The following SH2D4B variants were observed in gnomAD, a reference collection of about 807,000 sequenced individuals.
SH2D4B encodes SH2 domain containing 4B, also known as SH2 domain-containing protein 4B.
SH2D4B carries 45 observed loss-of-function variants against 61.5 expected under a neutral mutation model. That is an observed-to-expected ratio of 0.73 (90% CI 0.58 to 0.94). SH2D4B has a LOEUF of 0.94. SH2D4B is among the 40% of genes least tolerant of loss of function. The pLI is 0.00. For missense variants in SH2D4B, 572 were observed against 574.2 expected (o/e 1.00, Z 0.04); for synonymous variants, 224 against 220.4 (o/e 1.02, Z -0.14).
chr10:80,595,832 T>G (rs1842379109), intron 4 of SH2D4B, among the ~76,000 whole-genome samples: 1 of 152,206 alleles, frequency 6.6e-6, no homozygotes, highest in Non-Finnish European at 1.5e-5. Context: ...CATTGGTTTA[T>G]GGGAGATGGA....
Position 80,634,502 on chromosome 10 carries a change from T to C in SH2D4B, c.1206T>C (p.His402=). The change falls in exon 7 of 8, where the codon CAT becomes CAC. Residue 402 remains histidine (H), a synonymous_variant. Coordinates refer to ENST00000646907, the MANE Select transcript of SH2D4B (RefSeq NM_001388272.1). The part of the protein sequence containing the change: ...HATLTDLVDF[H]KEEIITVSGG... Reference sequence around the variant, plus strand: ...CGCTCACGGATCTCGTTGATTTCCATAAGGTATCCCTCACAGGGATACTAA... The same window carrying C: ...CGCTCACGGATCTCGTTGATTTCCACAAGGTATCCCTCACAGGGATACTAA... 1 of 1,549,690 alleles carries C rather than the reference T, an allele frequency of 6.5e-7. No homozygotes were observed. The highest frequency in any genetic ancestry group is 8.7e-7 in the Non-Finnish European group (1 of 1,146,906).
intron 5 of SH2D4B, 51 bp from the exon 6 acceptor site, chr10:80,609,373 C>T (rs143767522): frequency 1.3e-6 from 2 of 1,576,984 alleles, no homozygotes; most frequent in African/African-American, 1.3e-5. Context: ...TCTCCCTCCG[C>T]TCTTTCTCCC....
chr10:80,586,261 G>T (rs1028825560), intron 3 of SH2D4B, among the ~76,000 whole-genome samples: 1 of 152,198 alleles, frequency 6.6e-6, no homozygotes, highest in Non-Finnish European at 1.5e-5. Context: ...GAGTGTGGGC[G>T]CACGGCGTGG....
chr10:80,555,473 G>A (rs955502620), intron 1 of SH2D4B, among the ~76,000 whole-genome samples: 1 of 152,164 alleles, frequency 6.6e-6, no homozygotes, highest in African/African-American at 2.4e-5. Context: ...CTGAATCCAT[G>A]TGGCCTTCCA....
chr10:80,630,093 C>T lies in SH2D4B; in HGVS notation c.989-4192C>T, dbSNP rs7903809. On this transcript the variant is annotated intron_variant, in intron 6 of 7. Transcript: ENST00000646907. ...TTCAGAACACGGTACACATCTGACA[C>T]CTGTGGAGGGAGAGAGGGAAGAAGG... is the stretch of plus-strand genomic sequence containing the variant. 5.4e-3 allele frequency among the ~76,000 whole-genome samples: 823 copies of T among 151,830 alleles called. 4 individuals are homozygous for T. Among genetic ancestry groups the T allele is most frequent in the African/African-American group, 0.019 (777 of 41,188 alleles).
intron 6 of SH2D4B, among the ~76,000 whole-genome samples, chr10:80,618,909 G>T (rs1842686933): frequency 6.6e-6 from 1 of 152,156 alleles, no homozygotes; most frequent in Non-Finnish European, 1.5e-5. Flanking sequence ...TTCTGGGTTG[G>T]CTTTGAGGAT....
intron 6 of SH2D4B, among the ~76,000 whole-genome samples, chr10:80,617,312 G>A (rs149515430): frequency 4.0e-4 from 61 of 152,304 alleles, no homozygotes; most frequent in African/African-American, 1.5e-3. Flanking sequence ...TGCTAACCAG[G>A]AAAGTGTCTG....
At chr10:80,636,792 G>A (rs779001587) in intron 7 of SH2D4B, among the ~76,000 whole-genome samples, 19 of 152,160 alleles carry the variant, frequency 1.2e-4, no homozygotes, top group Non-Finnish European at 1.5e-4. Flanking sequence ...TCTTTAGTTC[G>A]ATAGATCCCA....
intron 7 of SH2D4B, among the ~76,000 whole-genome samples, chr10:80,638,229 A>T (rs1840223084): frequency 6.6e-6 from 1 of 152,108 alleles, no homozygotes; most frequent in Admixed American, 6.5e-5. Context: ...TTCATCAGGG[A>T]TATTGGTCTA....
At chr10:80,590,825 T>G (rs1842316349) in intron 4 of SH2D4B, among the ~76,000 whole-genome samples, 1 of 151,944 alleles carries the variant, frequency 6.6e-6, no homozygotes, top group Non-Finnish European at 1.5e-5. Context: ...TTCCAGAATA[T>G]TTCTGTCACT....
chr10:80,613,473 T>G (rs533197043), intron 6 of SH2D4B, among the ~76,000 whole-genome samples: 5 of 152,262 alleles, frequency 3.3e-5, no homozygotes, highest in Non-Finnish European at 7.3e-5. Context: ...GACAACCCAT[T>G]GGCTGCCTTG....
intron 1 of SH2D4B, among the ~76,000 whole-genome samples, chr10:80,568,841 C>T (rs1842003698): frequency 6.6e-6 from 1 of 152,198 alleles, no homozygotes; most frequent in Non-Finnish European, 1.5e-5. Context: ...GCAACCAACA[C>T]TTATTCCTAA....
chr10:80,612,550 G>C (rs899522727), intron 6 of SH2D4B, among the ~76,000 whole-genome samples: 1 of 152,186 alleles, frequency 6.6e-6, no homozygotes. Context: ...CCTATTCTTA[G>C]AGCCAGCACC....
At chr10:80,600,277 A>C (rs1256776423) in intron 4 of SH2D4B, among the ~76,000 whole-genome samples, 1 of 152,242 alleles carries the variant, frequency 6.6e-6, no homozygotes, top group Non-Finnish European at 1.5e-5. Context: ...TTTCAGGGAC[A>C]TTGTTCTATT....
At chr10:80,622,589 A>G (rs528297804) in intron 6 of SH2D4B, among the ~76,000 whole-genome samples, 21 of 152,036 alleles carry the variant, frequency 1.4e-4, no homozygotes, top group African/African-American at 4.8e-4. Flanking sequence ...ATTTTGCTCA[A>G]TTTTGATTTC....
intron 3 of SH2D4B, among the ~76,000 whole-genome samples, chr10:80,575,976 A>G (rs1240263218): frequency 6.6e-6 from 1 of 152,194 alleles, no homozygotes; most frequent in Non-Finnish European, 1.5e-5. Flanking sequence ...AAGAAAACCA[A>G]TTCTTTTTAT....
intron 2 of SH2D4B, 46 bp from the exon 3 acceptor site, chr10:80,571,385 C>T (rs765667193): frequency 1.3e-6 from 2 of 1,573,800 alleles, no homozygotes; most frequent in South Asian, 2.3e-5. Flanking sequence ...TTAGGTGGTC[C>T]TTCAGTTTTT....
intron 6 of SH2D4B, among the ~76,000 whole-genome samples, chr10:80,625,262 G>A (rs987834892): frequency 3.9e-5 from 6 of 151,908 alleles, no homozygotes; most frequent in African/African-American, 1.2e-4. Context: ...TAATTTAGAC[G>A]ATTTAATATG....
intron 4 of SH2D4B, among the ~76,000 whole-genome samples, chr10:80,595,042 A>T (rs1384170339): frequency 6.6e-6 from 1 of 152,226 alleles, no homozygotes; most frequent in Non-Finnish European, 1.5e-5. Flanking sequence ...AAAATTAAAA[A>T]AATTTAAAAT....
Sources: gnomAD v4.1 joint callset for allele counts (sites outside exome capture counted in the v4.1 genomes callset) on GRCh38, gnomAD v4.1.1 for gene constraint, MANE v1.5 for transcripts, NCBI Gene and HGNC (gene_info 2026-07-23, HGNC 2026-07-21) for gene names.